Variants in EXOC4 observed in about 807,000 individuals in gnomAD.
EXOC4 encodes exocyst complex component 4.
A neutral mutation model predicts 107.2 loss-of-function variants in EXOC4; 71 were observed. The observed-to-expected ratio is 0.66, with a 90% CI of 0.55 to 0.81. The LOEUF is 0.81. Ranked by LOEUF, EXOC4 falls within the 30% of genes least tolerant of loss-of-function variation. EXOC4 has a pLI of 0.00. For synonymous variants in EXOC4, 456 were observed against 441.2 expected, an observed-to-expected ratio of 1.03 and a Z score of -0.42; for missense variants, 1,108 against 1,189.6, an observed-to-expected ratio of 0.93 and a Z score of 1.01.
At chr7:134,037,668 G>A (rs62462496) in intron 17 of EXOC4, among the ~76,000 whole-genome samples, 2,706 of 152,212 alleles carry the variant, frequency 0.018, 39 homozygotes, top group Middle Eastern at 0.048. Flanking sequence ...GGGATTATCC[G>A]CATCCCTCCT....
chr7:133,639,872 G>T (rs998108519), intron 10 of EXOC4, among the ~76,000 whole-genome samples: 31 of 151,838 alleles, frequency 2.0e-4, no homozygotes, highest in African/African-American at 5.8e-4. Context: ...ACATGAGAAA[G>T]TATTCAATAA....
intron 10 of EXOC4, among the ~76,000 whole-genome samples, chr7:133,730,709 T>G (rs572716911): frequency 2.0e-5 from 3 of 152,280 alleles, no homozygotes; most frequent in South Asian, 4.1e-4. Flanking sequence ...TCATGGAGCT[T>G]ACAATCCAAA....
chr7:133,966,649 C>T (rs983342609), intron 14 of EXOC4, among the ~76,000 whole-genome samples: 3 of 152,154 alleles, frequency 2.0e-5, no homozygotes, highest in African/African-American at 4.8e-5. Context: ...GTATGTTGAA[C>T]CAGCCTTGCA....
chr7:133,369,163 A>G (rs929771422), intron 6 of EXOC4, among the ~76,000 whole-genome samples: 1 of 152,190 alleles, frequency 6.6e-6, no homozygotes, highest in Non-Finnish European at 1.5e-5. Flanking sequence ...AATATTAACA[A>G]CATATTTCAG....
At chr7:133,314,884 T>G (rs982719927) in intron 4 of EXOC4, 18 of 152,088 alleles carry the variant, frequency 1.2e-4, no homozygotes, top group Non-Finnish European at 2.2e-4. Context: ...AAAGTTGAAG[T>G]TTTTTTTACT....
intron 5 of EXOC4, among the ~76,000 whole-genome samples, chr7:133,325,414 A>G (rs1046223539): frequency 6.6e-6 from 1 of 152,184 alleles, no homozygotes; most frequent in African/African-American, 2.4e-5. Flanking sequence ...TGGTGGTGAC[A>G]GAATCTCTCA....
chr7:133,810,591 CTTTGCTTTATTTTATTTTAT>C lies in EXOC4; in HGVS notation c.1515-6730_1515-6711del, dbSNP rs1242181751. Among the ~76,000 whole-genome samples, 153 of 71,188 alleles carry C rather than the reference CTTTGCTTTATTTTATTTTAT, an allele frequency of 2.1e-3. 4 individuals carry two copies. The highest frequency in any genetic ancestry group is 0.021 in the South Asian group (54 of 2,538). 46.7% of individuals were successfully genotyped at this position (71,188 alleles called of 152,430 possible). A position where few individuals can be genotyped will look rare whatever the true frequency, so the allele number is the denominator to read the frequency against. Reference sequence around the variant, plus strand: ...TAGAATTTAGACGATAAGATCCATGCTTTGCTTTATTTTATTTTATTTTATTTTATTTTATTTTATTTTAT... The same window carrying C: ...TAGAATTTAGACGATAAGATCCATGCTTTATTTTATTTTATTTTATTTTAT... On this transcript the variant is annotated intron_variant, in intron 10 of 17. Transcript: ENST00000253861.
chr7:133,537,128 A>T (rs1800284609), intron 9 of EXOC4, among the ~76,000 whole-genome samples: 2 of 151,228 alleles, frequency 1.3e-5, no homozygotes, highest in African/African-American at 4.8e-5. Context: ...CAAATCCTTT[A>T]AATTCACACT....
chr7:134,094,065 C>A, the EXOC4 span, among the ~76,000 whole-genome samples: 4 of 152,096 alleles, frequency 2.6e-5, no homozygotes, highest in African/African-American at 4.8e-5. Context: ...AAATAAATAA[C>A]TAAAATCAGA....
intron 7 of EXOC4, chr7:133,447,332 C>T (rs1453093787): frequency 6.6e-6 from 1 of 152,102 alleles, no homozygotes; most frequent in Admixed American, 6.6e-5. Context: ...GAGAAATGAA[C>T]ATTGCTTCAC....
intron 7 of EXOC4, among the ~76,000 whole-genome samples, chr7:133,419,704 G>A (rs1190931556): frequency 1.3e-5 from 2 of 152,118 alleles, no homozygotes; most frequent in Admixed American, 1.3e-4. Context: ...ATGAATGTTA[G>A]TGCTGTTTGA....
At chr7:133,734,515 A>T (rs1562975696) in intron 10 of EXOC4, among the ~76,000 whole-genome samples, 1 of 151,846 alleles carries the variant, frequency 6.6e-6, no homozygotes, top group South Asian at 2.1e-4. Context: ...TATTGGAAAA[A>T]TTATATTTCG....
intron 17 of EXOC4, among the ~76,000 whole-genome samples, chr7:134,053,563 T>C (rs931699806): frequency 1.3e-5 from 2 of 149,618 alleles, no homozygotes; most frequent in Non-Finnish European, 3.0e-5. Context: ...TCTGATTTTA[T>C]ATATATATAT....
At chr7:133,436,699 A>T (rs1797983921) in intron 7 of EXOC4, among the ~76,000 whole-genome samples, 2 of 152,250 alleles carry the variant, frequency 1.3e-5, no homozygotes, top group South Asian at 4.1e-4. Flanking sequence ...TTTCAATTTG[A>T]TTTAATCAGT....
chr7:133,761,007 CAACCCTGCAGCAAAAT>C (rs1156536694), intron 10 of EXOC4, among the ~76,000 whole-genome samples: 1 of 152,148 alleles, frequency 6.6e-6, no homozygotes, highest in African/African-American at 2.4e-5. Flanking sequence ...GGCAAATTCA[CAACCCTGCAGCAAAAT>C]TATCATGTGT....
chr7:133,462,132 A>G (rs1205637342), intron 7 of EXOC4, among the ~76,000 whole-genome samples: 3 of 152,150 alleles, frequency 2.0e-5, no homozygotes, highest in Admixed American at 6.5e-5. Context: ...ATATTTTACA[A>G]TTTTCATATG....
At chr7:133,577,283 T>C (rs1344725813) in intron 9 of EXOC4, among the ~76,000 whole-genome samples, 1 of 152,210 alleles carries the variant, frequency 6.6e-6, no homozygotes, top group Non-Finnish European at 1.5e-5. Flanking sequence ...TTGTATTTTC[T>C]TTGTAAGTAA....
chr7:133,655,306 C>T (rs183512109), intron 10 of EXOC4, among the ~76,000 whole-genome samples: 47 of 152,132 alleles, frequency 3.1e-4, no homozygotes, highest in Non-Finnish European at 6.0e-4. Context: ...GTTAGCATAT[C>T]TATCACCCCA....
chr7:133,435,283 A>C (rs1238853002), intron 7 of EXOC4, among the ~76,000 whole-genome samples: 1 of 151,944 alleles, frequency 6.6e-6, no homozygotes, highest in Non-Finnish European at 1.5e-5. Flanking sequence ...CCAGTCCCAG[A>C]CTTCCATTAA....
Sources: allele counts gnomAD v4.1 joint callset (sites outside exome capture counted in the v4.1 genomes callset), GRCh38; gene constraint gnomAD v4.1.1; transcripts MANE v1.5; gene names NCBI Gene and HGNC (gene_info 2026-07-23, HGNC 2026-07-21).